Variants in IFTAP observed in about 807,000 individuals in gnomAD.
IFTAP encodes intraflagellar transport associated protein.
A neutral mutation model predicts 19.4 loss-of-function variants in IFTAP; 19 were observed. The observed-to-expected ratio is 0.98, with a 90% CI of 0.68 to 1.44. The LOEUF is 1.44. Among genes scored for constraint, IFTAP ranks in the 40% most tolerant of loss-of-function variants. The pLI is 0.00. For missense variants in IFTAP, 240 were observed against 253.6 expected (o/e 0.95, Z 0.36); for synonymous variants, 85 against 83.5 (o/e 1.02, Z -0.10).
intron 5 of IFTAP, among the ~76,000 whole-genome samples, chr11:36,653,005 G>T (rs754165441): frequency 1.3e-5 from 2 of 152,032 alleles, no homozygotes; most frequent in Non-Finnish European, 2.9e-5. Flanking sequence ...CCCTCTCCCC[G>T]TGAAAACTGT....
chr11:36,617,207 T>A (rs997120823), intron 2 of IFTAP, among the ~76,000 whole-genome samples: 1 of 149,168 alleles, frequency 6.7e-6, no homozygotes, highest in Non-Finnish European at 1.5e-5. Flanking sequence ...GTATATATAT[T>A]TATTTATTTG....
intron 2 of IFTAP, among the ~76,000 whole-genome samples, chr11:36,628,298 G>A (rs1436747420): frequency 6.6e-6 from 1 of 151,146 alleles, no homozygotes; most frequent in Non-Finnish European, 1.5e-5. Context: ...CCCACCTTGA[G>A]GGCTTTGCTC....
rs1258309209 is a variant in IFTAP at position 36,648,128 on chromosome 11, T to C, written c.471T>C (p.Val157=). 1 of 1,613,230 alleles carries C rather than the reference T, an allele frequency of 6.2e-7. No homozygotes were observed. Among genetic ancestry groups the C allele is most frequent in the East Asian group, 2.2e-5 (1 of 44,854 alleles). The change falls in exon 5 of 6, where the codon GTT becomes GTC. Residue 157 remains valine, a synonymous_variant. Coordinates refer to ENST00000334307, the MANE Select transcript of IFTAP (RefSeq NM_138787.4). ...GTGAAGTGAAGCCAAAGCCCAGTGTTAAAAGAATGGACAAACAGACGGAAG... is the reference window on the plus strand; with the variant it reads ...GTGAAGTGAAGCCAAAGCCCAGTGTCAAAAGAATGGACAAACAGACGGAAG... ...PTCEVKPKPS[V]KRMDKQTEEI...
chr11:36,618,273 A>T (rs1472034013), intron 2 of IFTAP, among the ~76,000 whole-genome samples: 1 of 151,974 alleles, frequency 6.6e-6, no homozygotes, highest in Non-Finnish European at 1.5e-5. Flanking sequence ...TGTCCTTATA[A>T]GAAGAGATGG....
In IFTAP at chr11:36,633,001, C is replaced by T. The variant is rs1442954996; in HGVS notation, c.137-283C>T. Among the ~76,000 whole-genome samples the T allele has an allele frequency of 1.3e-5, 2 of 151,102 alleles. 1 individual carries two copies. Among genetic ancestry groups the T allele is most frequent in the African/African-American group, 4.9e-5 (2 of 40,558 alleles). Reference sequence around the variant, plus strand: ...TGTGATAGGTCATGTCTAAGAGTCTCACAAATACTGTATTTTATTAACTTT... The same window carrying T: ...TGTGATAGGTCATGTCTAAGAGTCTTACAAATACTGTATTTTATTAACTTT... On this transcript the variant is annotated intron_variant, in intron 2 of 5. Coordinates refer to ENST00000334307, the MANE Select transcript of IFTAP (RefSeq NM_138787.4).
chr11:36,616,359 T>C (rs1852090050), intron 2 of IFTAP, among the ~76,000 whole-genome samples: 1 of 152,076 alleles, frequency 6.6e-6, no homozygotes, highest in African/African-American at 2.4e-5. Flanking sequence ...CAATGCTTTG[T>C]GCTTTTAGCA....
At chr11:36,646,106 T>G (rs1265069250) in intron 4 of IFTAP, among the ~76,000 whole-genome samples, 1 of 152,190 alleles carries the variant, frequency 6.6e-6, no homozygotes, top group East Asian at 1.9e-4. Context: ...AGAAACCATT[T>G]TTGTTGAAAA....
intron 3 of IFTAP, 33 bp downstream of exon 3, chr11:36,633,471 T>C (rs1183872811): frequency 7.1e-7 from 1 of 1,417,470 alleles, no homozygotes; most frequent in Non-Finnish European, 9.3e-7. Context: ...ATAGAAACAA[T>C]CTCAGAAGAA....
chr11:36,638,546 C>T (rs1853057306), intron 4 of IFTAP, among the ~76,000 whole-genome samples: 1 of 152,118 alleles, frequency 6.6e-6, no homozygotes, highest in Non-Finnish European at 1.5e-5. Flanking sequence ...CAATCTGGGT[C>T]ATTTAAAGGG....
intron 2 of IFTAP, among the ~76,000 whole-genome samples, chr11:36,624,358 T>G (rs960563854): frequency 8.5e-5 from 13 of 152,200 alleles, no homozygotes; most frequent in Admixed American, 6.5e-4. Context: ...TGACTAAGTT[T>G]GTGTCAATGA....
chr11:36,611,216 C>T (rs991272204), intron 2 of IFTAP, among the ~76,000 whole-genome samples: 44 of 152,104 alleles, frequency 2.9e-4, no homozygotes, highest in African/African-American at 9.4e-4. Context: ...GGTTCTGCTT[C>T]AGATTGCCAT....
chr11:36,607,558 C>T (rs934234760), intron 1 of IFTAP, among the ~76,000 whole-genome samples: 6 of 151,392 alleles, frequency 4.0e-5, no homozygotes, highest in African/African-American at 1.5e-4. Context: ...TCAATCAGGT[C>T]TTGTCCCCAA....
intron 4 of IFTAP, among the ~76,000 whole-genome samples, chr11:36,642,771 A>G (rs1239999836): frequency 6.6e-6 from 1 of 152,232 alleles, no homozygotes; most frequent in Non-Finnish European, 1.5e-5. Context: ...TGGTTATCTC[A>G]ATAGATGCAG....
rs17549494 is a variant in IFTAP at position 36,659,215 on chromosome 11, T to C, written c.*29T>C. Reference sequence around the variant, plus strand: ...ACAGAGGCATTTTGTGTGTGTGTGCTTATTTTAATTTTGTTCTTATTCTAG... The same window carrying C: ...ACAGAGGCATTTTGTGTGTGTGTGCCTATTTTAATTTTGTTCTTATTCTAG... On this transcript the variant is annotated 3_prime_UTR_variant, in exon 6 of 6. Coordinates refer to ENST00000334307, the MANE Select transcript of IFTAP (RefSeq NM_138787.4). 0.037 allele frequency: 55,370 copies of C among 1,500,906 alleles called. 1,169 individuals carry two copies. Among genetic ancestry groups the C allele is most frequent in the Middle Eastern group, 0.046 (258 of 5,668 alleles). 93.0% of individuals were successfully genotyped at this position (1,500,906 alleles called of 1,614,324 possible). A position where few individuals can be genotyped will look rare whatever the true frequency, so the allele number is the denominator to read the frequency against.
At chr11:36,622,339 G>C (rs1852329701) in intron 2 of IFTAP, among the ~76,000 whole-genome samples, 1 of 152,100 alleles carries the variant, frequency 6.6e-6, no homozygotes, top group South Asian at 2.1e-4. Context: ...GTGTAGGTGA[G>C]TTAAAGAGGT....
chr11:36,658,644 AT>A (rs1461126672), intron 5 of IFTAP, among the ~76,000 whole-genome samples: 2 of 152,186 alleles, frequency 1.3e-5, no homozygotes, highest in African/African-American at 4.8e-5. Flanking sequence ...TGATAAAAAA[AT>A]CTTAGTGTAT....
In IFTAP at chr11:36,620,360, G is replaced by A. The variant is rs146631491; in HGVS notation, c.136+10121G>A. On this transcript the variant is annotated intron_variant, in intron 2 of 5. Coordinates refer to ENST00000334307, the MANE Select transcript of IFTAP (RefSeq NM_138787.4). ...TTTCTCTTTGGGGGAACATCTGCAA[G>A]CTGTAATTAAGCAATTTTCATTTGT... Among the ~76,000 whole-genome samples the A allele has an allele frequency of 6.6e-5, 10 of 152,094 alleles. No individual in the cohort carries two copies. In the East Asian group the frequency reaches 1.5e-3, roughly 24 times the overall value.
chr11:36,644,098 A>T (rs1853358160), intron 4 of IFTAP, among the ~76,000 whole-genome samples: 1 of 152,254 alleles, frequency 6.6e-6, no homozygotes, highest in African/African-American at 2.4e-5. Flanking sequence ...CAATCTACTC[A>T]ACTGACAAAG....
intron 1 of IFTAP, chr11:36,598,148 A>C (rs1221784463): frequency 6.6e-6 from 1 of 152,082 alleles, no homozygotes; most frequent in East Asian, 1.9e-4. Flanking sequence ...CTTTGCCGCT[A>C]AACCAGGTAT....
Sources: gnomAD v4.1 joint callset for allele counts (sites outside exome capture counted in the v4.1 genomes callset) on GRCh38, gnomAD v4.1.1 for gene constraint, MANE v1.5 for transcripts, NCBI Gene and HGNC (gene_info 2026-07-23, HGNC 2026-07-21) for gene names.